PLCZ1: variants seen among roughly 807,000 people sequenced by gnomAD.
The protein encoded by PLCZ1 is 1-phosphatidylinositol 4,5-bisphosphate phosphodiesterase zeta-1.
A neutral mutation model predicts 76.8 loss-of-function variants in PLCZ1; 64 were observed. The ratio of observed to expected loss-of-function variants is 0.83; its 90% confidence interval spans 0.68 to 1.03. The LOEUF is 1.03. Ranked by LOEUF, PLCZ1 falls within the 50% of genes least tolerant of loss-of-function variation. The pLI, the probability that PLCZ1 is intolerant of heterozygous loss-of-function variation, is 0.00. For synonymous variants in PLCZ1, 248 were observed against 230.8 expected (o/e 1.07, Z -0.68); for missense variants, 751 against 713.7 (o/e 1.05, Z -0.60).
At chr12:18,715,879 G>A (rs1255275648) in intron 5 of PLCZ1, 1 of 152,112 alleles carries the variant, frequency 6.6e-6, no homozygotes. Flanking sequence ...GCACTATAAT[G>A]TAAAACTTCA....
chr12:18,661,784 T>C, the PLCZ1 span, among the ~76,000 whole-genome samples: 5 of 152,244 alleles, frequency 3.3e-5, no homozygotes, highest in East Asian at 3.9e-4. Context: ...AATCCCATTA[T>C]TGGATACACA....
At chr12:18,689,301 G>GA (rs1953696639) in intron 12 of PLCZ1, among the ~76,000 whole-genome samples, 1 of 152,048 alleles carries the variant, frequency 6.6e-6, no homozygotes, top group Non-Finnish European at 1.5e-5. Flanking sequence ...ATCTAATTTT[G>GA]AAAAACATAA....
rs1565727331 is a variant in PLCZ1, at chr12:18,719,302, C to A, written c.569+129G>T. Reference sequence around the variant, plus strand: ...TCAAGATATGTACAAGTAAAAATTTCTATTCCCTATGAGTTTGGATAACAT... The same window carrying A: ...TCAAGATATGTACAAGTAAAAATTTATATTCCCTATGAGTTTGGATAACAT... On this transcript the variant is annotated intron_variant, in intron 5 of 14. Coordinates refer to ENST00000266505, the MANE Select transcript of PLCZ1 (RefSeq NM_033123.4). 3 of 483,954 alleles carry A rather than the reference C, an allele frequency of 6.2e-6. No homozygotes were observed. The East Asian group carries it at 1.0e-4, about 17-fold the overall frequency. The allele number at this position is 483,954 out of a possible 1,614,324, so 30.0% of individuals were successfully genotyped here.
chr12:18,666,007 C>T, the PLCZ1 span, among the ~76,000 whole-genome samples: 1 of 150,628 alleles, frequency 6.6e-6, no homozygotes, highest in Non-Finnish European at 1.5e-5. Context: ...CCAAAGTCTT[C>T]GTATACTATT....
chr12:18,665,181 TA>T, the PLCZ1 span, among the ~76,000 whole-genome samples: 2 of 151,170 alleles, frequency 1.3e-5, no homozygotes, highest in African/African-American at 4.9e-5. Context: ...AAAAAAAAAT[TA>T]AAAAAAATAA....
chr12:18,719,016 T>A (rs549955409), intron 5 of PLCZ1, among the ~76,000 whole-genome samples: 28 of 152,310 alleles, frequency 1.8e-4, no homozygotes, highest in Admixed American at 1.5e-3. Flanking sequence ...GTACTGTATT[T>A]ATGTGTTGGC....
intron 3 of PLCZ1, among the ~76,000 whole-genome samples, chr12:18,731,813 C>T (rs1043376550): frequency 5.3e-5 from 8 of 152,094 alleles, no homozygotes; most frequent in Admixed American, 4.6e-4. Flanking sequence ...TAGTACAAAA[C>T]TCAGCTAAAA....
chr12:18,647,846 T>G, the PLCZ1 span: 12 of 1,384,814 alleles, frequency 8.7e-6, no homozygotes, highest in Non-Finnish European at 1.1e-5. Context: ...CATTTCTGAT[T>G]TATATTTTCA....
chr12:18,665,412 A>C, the PLCZ1 span, among the ~76,000 whole-genome samples: 3 of 152,306 alleles, frequency 2.0e-5, no homozygotes, highest in African/African-American at 7.2e-5. Context: ...CCACAAGAAA[A>C]AAAAATTGAG....
At chr12:18,699,435 C>T (rs756646467) in intron 10 of PLCZ1, among the ~76,000 whole-genome samples, 4 of 152,240 alleles carry the variant, frequency 2.6e-5, no homozygotes, top group East Asian at 3.9e-4. Context: ...TCTTCTCCTG[C>T]GCACCTTCGC....
intron 5 of PLCZ1, chr12:18,715,699 C>A (rs1280599234): frequency 6.6e-6 from 1 of 152,132 alleles, no homozygotes; most frequent in Non-Finnish European, 1.5e-5. Context: ...GGGTCTCTGT[C>A]ACCCACACTA....
At chr12:18,737,116 C>T (rs556442903) in intron 2 of PLCZ1, among the ~76,000 whole-genome samples, 2 of 152,142 alleles carry the variant, frequency 1.3e-5, no homozygotes, top group Admixed American at 1.3e-4. Flanking sequence ...ATTGTTAGAA[C>T]GAATTAATGA....
intron 6 of PLCZ1, among the ~76,000 whole-genome samples, chr12:18,707,066 ATCTC>A (rs1304501182): frequency 6.6e-6 from 1 of 152,022 alleles, no homozygotes; most frequent in East Asian, 1.9e-4. Context: ...GGTGTATCAA[ATCTC>A]TCTCTACTTC....
chr12:18,663,260 A>G, the PLCZ1 span, among the ~76,000 whole-genome samples: 3 of 152,108 alleles, frequency 2.0e-5, no homozygotes, highest in African/African-American at 7.2e-5. Flanking sequence ...AAAGACATCT[A>G]AATTTGAAAA....
At chr12:18,696,079 T>G in intron 11 of PLCZ1, 71 bp downstream of exon 11, 1 of 876,736 alleles carries the variant, frequency 1.1e-6, no homozygotes. Context: ...TTCACGAGTT[T>G]TTCATACATT....
At chr12:18,654,001 A>G in the PLCZ1 span, among the ~76,000 whole-genome samples, 2 of 152,100 alleles carry the variant, frequency 1.3e-5, no homozygotes, top group Non-Finnish European at 2.9e-5. Flanking sequence ...CTTAAAAAAG[A>G]GCCTCATTTT....
the PLCZ1 span, among the ~76,000 whole-genome samples, chr12:18,672,205 A>G: frequency 6.6e-6 from 1 of 152,182 alleles, no homozygotes; most frequent in African/African-American, 2.4e-5. Context: ...GAATTAGCTT[A>G]TATTACTTCA....
chr12:18,695,590 C>A (rs1954855398), intron 11 of PLCZ1, among the ~76,000 whole-genome samples: 1 of 152,064 alleles, frequency 6.6e-6, no homozygotes, highest in Non-Finnish European at 1.5e-5. Flanking sequence ...ACCCTCCACC[C>A]AGCCCCAATA....
the PLCZ1 span, among the ~76,000 whole-genome samples, chr12:18,665,795 C>T: frequency 6.6e-6 from 1 of 151,922 alleles, no homozygotes; most frequent in Admixed American, 6.6e-5. Context: ...ATTAGCCAGG[C>T]GTAGTGGTGC....
Sources: gnomAD v4.1 joint callset for allele counts (sites outside exome capture counted in the v4.1 genomes callset) on GRCh38, gnomAD v4.1.1 for gene constraint, MANE v1.5 for transcripts, NCBI Gene and HGNC (gene_info 2026-07-23, HGNC 2026-07-21) for gene names.